The following IL1RAPL2 variants were observed in gnomAD, a reference collection of about 807,000 sequenced individuals.
IL1RAPL2 encodes the protein X-linked interleukin-1 receptor accessory protein-like 2.
Under a neutral mutation model 44.1 loss-of-function variants are expected in IL1RAPL2, and 3 were observed. The ratio of observed to expected loss-of-function variants is 0.07; its 90% CI spans 0.03 to 0.18. The LOEUF is 0.18. IL1RAPL2 is among the 10% of genes least tolerant of loss of function. The probability of loss-of-function intolerance (pLI) is 1.00; values close to 1 mark genes in which losing one functional copy is unlikely to be tolerated. For synonymous variants in IL1RAPL2, 181 were observed against 178.8 expected, an observed-to-expected ratio of 1.01 and a Z score of -0.10; for missense variants, 391 against 496.4, an observed-to-expected ratio of 0.79 and a Z score of 2.02.
chrX:105,766,099 T>C (rs2038726951), intron 10 of IL1RAPL2, among the ~76,000 whole-genome samples: 1 of 112,511 alleles, frequency 8.9e-6, no homozygotes, highest in African/African-American at 3.2e-5. Context: ...AATCCGGAGT[T>C]AGTTGAGTGT....
rs1399644199 is a variant in IL1RAPL2 at position 104,946,860 on chromosome X, A to G, written c.83-248615A>G. On this transcript the variant is annotated intron_variant, in intron 2 of 10. Coordinates refer to ENST00000372582, the MANE Select transcript of IL1RAPL2 (RefSeq NM_017416.2). ...TTCCAAGTCTTTGCTATTGTGAATA[A>G]TGCCGCAATAAACATACGTGTGCAT... 8.4e-5 allele frequency among the ~76,000 whole-genome samples: 8 copies of G among 95,022 alleles called. No homozygotes were observed. The East Asian group carries it at 1.4e-3, about 16-fold the overall frequency. 82.5% of individuals were successfully genotyped at this position (95,022 alleles called of 115,157 possible).
chrX:105,182,240 C>T (rs1302468649), intron 2 of IL1RAPL2, among the ~76,000 whole-genome samples: 1 of 110,396 alleles, frequency 9.1e-6, no homozygotes, highest in Non-Finnish European at 1.9e-5. Context: ...GTGTTGAAAT[C>T]CCCCTCATTC....
chrX:105,503,931 G>T (rs2147783285), intron 6 of IL1RAPL2, among the ~76,000 whole-genome samples: 1 of 111,065 alleles, frequency 9.0e-6, no homozygotes, highest in African/African-American at 3.3e-5. Context: ...TTGGATTATA[G>T]GGCTCACCCT....
At chrX:105,478,670 T>G (rs1001142297) in intron 5 of IL1RAPL2, among the ~76,000 whole-genome samples, 1 of 111,983 alleles carries the variant, frequency 8.9e-6, no homozygotes, top group Non-Finnish European at 1.9e-5. Context: ...TTATTAAACC[T>G]AGTTCCCCAA....
chrX:104,675,787 A>G lies in IL1RAPL2; in HGVS notation c.82+16792A>G, dbSNP rs1435566859. 8.0e-4 allele frequency among the ~76,000 whole-genome samples: 88 copies of G among 110,183 alleles called. No homozygotes were observed. The Middle Eastern group carries it at 0.014, about 17-fold the overall frequency. On this transcript the variant is annotated intron_variant, in intron 2 of 10. Coordinates refer to ENST00000372582, the MANE Select transcript of IL1RAPL2 (RefSeq NM_017416.2). ...GCTTTATGAATCTTGGTGCTCCTGTATTGGGTGCATATATATGTAGGATAG... is the reference window on the plus strand; with the variant it reads ...GCTTTATGAATCTTGGTGCTCCTGTGTTGGGTGCATATATATGTAGGATAG...
In IL1RAPL2 at chrX:105,228,754, T is replaced by C. The variant is rs376860234; in HGVS notation, c.357-5064T>C. Among the ~76,000 whole-genome samples the C allele has an allele frequency of 1.8e-3, 198 of 112,260 alleles. 4 individuals are homozygous for C. In the South Asian group the frequency reaches 0.053, roughly 30 times the overall value. On this transcript the variant is annotated intron_variant, in intron 3 of 10. Coordinates refer to ENST00000372582, the MANE Select transcript of IL1RAPL2 (RefSeq NM_017416.2). Reference sequence around the variant, plus strand: ...ACAAGTTAGTTTGACTGTTGAGCAATGTTAGCATCAAGTTCTGAGAGTATC... The same window carrying C: ...ACAAGTTAGTTTGACTGTTGAGCAACGTTAGCATCAAGTTCTGAGAGTATC...
chrX:104,950,294 G>A (rs1371133244), intron 2 of IL1RAPL2, among the ~76,000 whole-genome samples: 1 of 111,914 alleles, frequency 8.9e-6, no homozygotes, highest in Non-Finnish European at 1.9e-5. Context: ...TCCATCCTCA[G>A]GGACCCACTT....
intron 2 of IL1RAPL2, among the ~76,000 whole-genome samples, chrX:105,048,107 G>A (rs1270894123): frequency 9.0e-6 from 1 of 111,260 alleles, no homozygotes; most frequent in Non-Finnish European, 1.9e-5. Flanking sequence ...TCACATCGCA[G>A]CAGGAGTGTC....
At chrX:105,212,279 G>A (rs942876795) in intron 3 of IL1RAPL2, among the ~76,000 whole-genome samples, 3 of 111,977 alleles carry the variant, frequency 2.7e-5, no homozygotes, top group Admixed American at 9.5e-5. Context: ...CTTTGTTGGC[G>A]GAGTGGTGTT....
intron 10 of IL1RAPL2, among the ~76,000 whole-genome samples, chrX:105,758,353 C>A (rs2147593321): frequency 9.0e-6 from 1 of 111,400 alleles, no homozygotes; most frequent in African/African-American, 3.3e-5. Flanking sequence ...TATTCCAACT[C>A]AACCTCATCA....
chrX:105,334,468 A>G (rs1035959747), intron 5 of IL1RAPL2, among the ~76,000 whole-genome samples: 16 of 111,486 alleles, frequency 1.4e-4, no homozygotes, highest in African/African-American at 3.9e-4. Context: ...CAGGGAGACT[A>G]TAGTCAATAA....
chrX:105,071,140 C>T (rs1057480293), intron 2 of IL1RAPL2, among the ~76,000 whole-genome samples: 2 of 111,082 alleles, frequency 1.8e-5, no homozygotes, highest in African/African-American at 6.5e-5. Flanking sequence ...ACATAGAAAA[C>T]CCCTAAAGAC....
intron 2 of IL1RAPL2, among the ~76,000 whole-genome samples, chrX:104,905,685 C>T (rs1923969053): frequency 9.0e-6 from 1 of 111,373 alleles, no homozygotes; most frequent in South Asian, 3.8e-4. Context: ...GTACCAGTAC[C>T]ATGCTGTTTT....
At chrX:105,021,713 T>C (rs2031285277) in intron 2 of IL1RAPL2, among the ~76,000 whole-genome samples, 1 of 111,893 alleles carries the variant, frequency 8.9e-6, no homozygotes, top group African/African-American at 3.2e-5. Flanking sequence ...TGTTTTTGAT[T>C]ATGACTAGGA....
intron 2 of IL1RAPL2, among the ~76,000 whole-genome samples, chrX:104,950,133 G>A (rs1925529876): frequency 8.9e-6 from 1 of 111,920 alleles, no homozygotes; most frequent in South Asian, 3.8e-4. Flanking sequence ...ATTTAGGATA[G>A]TTAGCTCTTC....
At chrX:104,816,472 T>G (rs914590337) in intron 2 of IL1RAPL2, among the ~76,000 whole-genome samples, 3 of 112,205 alleles carry the variant, frequency 2.7e-5, no homozygotes, top group African/African-American at 9.7e-5. Context: ...AGTCTTTGAT[T>G]AGTCCTTCCT....
At chrX:105,639,924 G>A (rs763578659) in intron 6 of IL1RAPL2, among the ~76,000 whole-genome samples, 17 of 111,283 alleles carry the variant, frequency 1.5e-4, no homozygotes, top group African/African-American at 5.6e-4. Context: ...CCTCTGTGAG[G>A]TCATTGGTTT....
intron 2 of IL1RAPL2, among the ~76,000 whole-genome samples, chrX:104,746,823 G>C (rs1005254832): frequency 3.6e-5 from 4 of 111,536 alleles, no homozygotes; most frequent in African/African-American, 1.3e-4. Flanking sequence ...GTCAGATGTG[G>C]CTTTCGTGCC....
intron 2 of IL1RAPL2, among the ~76,000 whole-genome samples, chrX:105,105,495 A>G (rs1414528476): frequency 1.8e-5 from 2 of 112,622 alleles, no homozygotes; most frequent in South Asian, 3.6e-4. Context: ...TCTGTTCTAC[A>G]GGAGAATGCC....
Sources: allele counts gnomAD v4.1 joint callset (sites outside exome capture counted in the v4.1 genomes callset), GRCh38; gene constraint gnomAD v4.1.1; transcripts MANE v1.5; gene names NCBI Gene and HGNC (gene_info 2026-07-23, HGNC 2026-07-21).